Variants in TRO observed in about 807,000 individuals in gnomAD.
TRO encodes MAGE superfamily protein.
In TRO, 29 loss-of-function variants were observed where a neutral mutation model predicts 42.3. The ratio of observed to expected loss-of-function variants is 0.68; its 90% CI spans 0.51 to 0.93. The LOEUF (loss-of-function observed/expected upper bound fraction) is 0.93. TRO is among the 40% of genes least tolerant of loss of function. The pLI is 0.00. For missense variants in TRO, 963 were observed against 1,127.7 expected (o/e 0.85, Z 2.09); for synonymous variants, 384 against 425.2 (o/e 0.90, Z 1.19).
rs768950622 is a variant in TRO, at chrX:54,927,088, C to T, written c.1746C>T (p.Asp582=). ...GGGAAGTGAGGAAGCTCATCACAGA[C>T]GAGTTTGTGAAGCAGAAGTAAGTGG... The part of the protein sequence containing the change: ...LFGEVRKLIT[D]EFVKQKYLEY... Residue 582 remains aspartate, a synonymous_variant, in exon 10 of 13, where the codon GAC becomes GAT. Coordinates refer to ENST00000173898, the MANE Select transcript of TRO (RefSeq NM_001039705.3). The T allele has an allele frequency of 5.8e-6, 7 of 1,211,608 alleles. No individual in the cohort carries two copies. The highest frequency in any genetic ancestry group is 7.8e-6 in the Non-Finnish European group (7 of 895,531).
At chrX:54,931,065 G>T (rs373959041) in intron 12 of TRO, 34 bp downstream of exon 12, 182 of 1,168,767 alleles carry the variant, frequency 1.6e-4, no homozygotes, top group Non-Finnish European at 1.9e-4. Flanking sequence ...AGGACCCACA[G>T]GGATGGGTAC....
At chrX:54,925,851 C>G (rs1171108942) in intron 7 of TRO, among the ~76,000 whole-genome samples, 168 bp downstream of exon 7, 1 of 112,067 alleles carries the variant, frequency 8.9e-6, no homozygotes, top group Admixed American at 9.5e-5. Context: ...ACAGTAGTGG[C>G]ACCTGATTAT....
At chrX:54,924,842 C>T in intron 5 of TRO, 109 bp downstream of exon 5, 1 of 980,271 alleles carries the variant, frequency 1.0e-6, no homozygotes, top group Non-Finnish European at 1.4e-6. Context: ...ATCTCCACAC[C>T]TGCCCTCCTT....
chrX:54,924,739 G>C lies in TRO; in HGVS notation c.1405+6G>C, dbSNP rs200075139. 147 of 1,208,366 alleles carry C rather than the reference G, an allele frequency of 1.2e-4. No individual in the cohort carries two copies. Among genetic ancestry groups the C allele is most frequent in the Non-Finnish European group, 1.6e-4 (145 of 893,603 alleles). ...GATCCCCATCAAACGCTCAGGTAGT[G>C]TCCTACCAACCCTCCTCCTTGAGCT... is the stretch of plus-strand genomic sequence containing the variant. On this transcript the variant is annotated splice_donor_region_variant and intron_variant, in intron 5 of 12. Transcript: ENST00000173898.
In TRO at chrX:54,929,010, A is replaced by G. The variant is rs765852537; in HGVS notation, c.2286A>G (p.Ala762=). ...GACCTGGCATTACCTTTGGTGTTGC[A>G]CCCAGCACCAGTGCCAGCTTCAGCA... ...SGGPGITFGV[A]PSTSASFSNT... is the part of the protein sequence containing the mutation. Residue 762 remains alanine, a synonymous_variant, in exon 12 of 13, where the codon GCA becomes GCG. Coordinates refer to ENST00000173898, the MANE Select transcript of TRO (RefSeq NM_001039705.3). The G allele has an allele frequency of 8.3e-7, 1 of 1,210,922 alleles. No individual in the cohort carries two copies. The highest frequency in any genetic ancestry group is 2.2e-5 in the Admixed American group (1 of 45,906).
At position 54,929,532 on chromosome X, in the gene TRO, T is replaced by G. The variant is rs767547733; in HGVS notation, c.2808T>G (p.Ser936Arg). Reference sequence around the variant, plus strand: ...GCTTTGGAGGCACACTTAGCACCAGTGTCTCCTTTGGTGGCTCTTCCAGCA... The same window carrying G: ...GCTTTGGAGGCACACTTAGCACCAGGGTCTCCTTTGGTGGCTCTTCCAGCA... ...STGFGGTLSTSVSFGGSSSTS... is the reference protein window; with the variant it reads ...STGFGGTLSTRVSFGGSSSTS... The change falls in exon 12 of 13, where the codon AGT (serine) becomes AGG (arginine). Residue 936 changes from serine to arginine, a missense_variant. By Grantham distance (110) the Ser-to-Arg change is moderately radical (BLOSUM62 -1). Around this residue, in one of 2 missense-constraint regions of TRO, gnomAD observed 641 missense variants for 811.3 expected, o/e 0.79. Coordinates refer to ENST00000173898, the MANE Select transcript of TRO (RefSeq NM_001039705.3). 4 of 1,211,828 alleles carry G rather than the reference T, an allele frequency of 3.3e-6. No individual in the cohort carries two copies. The highest frequency in any genetic ancestry group is 4.5e-6 in the Non-Finnish European group (4 of 895,463).
chrX:54,929,873 G>C lies in TRO; in HGVS notation c.3149G>C (p.Gly1050Ala). Residue 1050 changes from glycine to alanine, a missense_variant, in exon 12 of 13, where the codon GGT becomes GCT. Gly to Ala is a moderately conservative substitution (Grantham distance 60). This residue lies in a region of TRO where 641 missense variants were observed against 811.3 expected (regional missense o/e 0.79). Coordinates refer to ENST00000173898, the MANE Select transcript of TRO (RefSeq NM_001039705.3). ...ACACTAAGCACCAGCGTCTGTTTTG[G>C]TGGCTCTCCCAGCACCAGTGCTGGC... is the stretch of plus-strand genomic sequence containing the variant. ...GGTLSTSVCF[G>A]GSPSTSAGFG... 1 of 1,205,705 alleles carries C rather than the reference G, an allele frequency of 8.3e-7. No individual in the cohort carries two copies. The highest frequency in any genetic ancestry group is 1.1e-6 in the Non-Finnish European group (1 of 893,247).
Position 54,930,370 on chromosome X carries a change from A to C in TRO, c.3646A>C (p.Ser1216Arg). ...TGGATTTGGTGGTGGACTGAACACC[A>C]GTGCTGGCTTTGGTGGTGGCCTAGG... Reference protein sequence around the residue: ...NAGFGGGLNTSAGFGGGLGTS... With the variant: ...NAGFGGGLNTRAGFGGGLGTS... Residue 1216 changes from serine (S) to arginine (R), a missense_variant, in exon 12 of 13, where the codon AGT becomes CGT. Ser to Arg is a moderately radical substitution (Grantham distance 110). Coordinates refer to ENST00000173898, the MANE Select transcript of TRO (RefSeq NM_001039705.3). The C allele has an allele frequency of 4.1e-6, 5 of 1,212,283 alleles. No homozygotes were observed. The highest frequency in any genetic ancestry group is 5.6e-6 in the Non-Finnish European group (5 of 895,620).
intron 5 of TRO, 128 bp downstream of exon 5, chrX:54,924,861 C>A: frequency 1.0e-6 from 1 of 965,164 alleles, no homozygotes; most frequent in Non-Finnish European, 1.5e-6. Flanking sequence ...TTGCACTCTG[C>A]CATGGCTGGC....
chrX:54,929,579 C>T lies in TRO; in HGVS notation c.2855C>T (p.Thr952Ile). 2.5e-6 allele frequency: 3 copies of T among 1,211,529 alleles called. No homozygotes were observed. The highest frequency in any genetic ancestry group is 3.4e-6 in the Non-Finnish European group (3 of 895,363). ...SSSTSANFGG[T>I]LSTSICFDGS... ...AGCACCAGTGCCAATTTTGGTGGTACACTAAGTACCAGCATCTGCTTTGAT... is the reference window on the plus strand; with the variant it reads ...AGCACCAGTGCCAATTTTGGTGGTATACTAAGTACCAGCATCTGCTTTGAT... Residue 952 changes from threonine (T) to isoleucine (I), a missense_variant, in exon 12 of 13, where the codon ACA (threonine) becomes ATA (isoleucine). Physicochemically the swap from Thr to Ile is moderately conservative, Grantham distance 89. Coordinates refer to ENST00000173898, the MANE Select transcript of TRO (RefSeq NM_001039705.3).
chrX:54,927,895 C>T (rs974423214), intron 11 of TRO, 114 bp downstream of exon 11: 9 of 502,549 alleles, frequency 1.8e-5, no homozygotes, highest in Admixed American at 3.9e-5. Flanking sequence ...CATATATAAA[C>T]ATGTGGAGCC....
At position 54,930,016 on chromosome X, in the gene TRO, G is replaced by A; in HGVS notation, c.3292G>A (p.Gly1098Ser). The A allele has an allele frequency of 8.3e-7, 1 of 1,211,585 alleles. No individual in the cohort carries two copies. Among genetic ancestry groups the A allele is most frequent in the Non-Finnish European group, 1.1e-6 (1 of 895,467 alleles). Reference sequence around the variant, plus strand: ...CAGTGGTGCACCAATCACCAACCCTGGCTTTGGCGGTGCATTTAGCACCAG... The same window carrying A: ...CAGTGGTGCACCAATCACCAACCCTAGCTTTGGCGGTGCATTTAGCACCAG... ...CFSGAPITNPGFGGAFSTSAG... is the reference protein window; with the variant it reads ...CFSGAPITNPSFGGAFSTSAG... Residue 1098 changes from glycine to serine, a missense_variant, in exon 12 of 13, where the codon GGC becomes AGC. Coordinates refer to ENST00000173898, the MANE Select transcript of TRO (RefSeq NM_001039705.3).
Position 54,929,250 on chromosome X carries a change from T to C in TRO, c.2526T>C (p.Ser842=). The C allele has an allele frequency of 1.7e-6, 2 of 1,211,775 alleles. No individual in the cohort carries two copies. Residue 842 remains serine (S), a synonymous_variant, in exon 12 of 13, where the codon AGT becomes AGC. Coordinates refer to ENST00000173898, the MANE Select transcript of TRO (RefSeq NM_001039705.3). The part of the protein sequence containing the change: ...SGPLSTSATF[S]GGASSGFGGT... ...CACTCAGCACCAGTGCCACTTTCAGTGGTGGAGCCAGCTCTGGCTTTGGAG... is the reference window on the plus strand; with the variant it reads ...CACTCAGCACCAGTGCCACTTTCAGCGGTGGAGCCAGCTCTGGCTTTGGAG...
In TRO at chrX:54,930,933, T is replaced by C. The variant is rs1933120135; in HGVS notation, c.4209T>C (p.Gly1403=). 8.3e-7 allele frequency: 1 copy of C among 1,208,509 alleles called. No homozygotes were observed. The highest frequency in any genetic ancestry group is 1.8e-5 in the African/African-American group (1 of 57,006). ...GAGFGGGPNT[G]AGFGGGPSTS... is the part of the protein sequence containing the mutation. ...GCTTCGGCGGTGGACCAAACACTGG[T>C]GCTGGCTTTGGTGGTGGACCGAGCA... The change falls in exon 12 of 13, where the codon GGT becomes GGC. Residue 1403 remains glycine, a synonymous_variant. Coordinates refer to ENST00000173898, the MANE Select transcript of TRO (RefSeq NM_001039705.3).
chrX:54,930,854 T>G lies in TRO; in HGVS notation c.4130T>G (p.Phe1377Cys), dbSNP rs1392391751. ...FSGGPSTGVG[F>C]CSGPSTSGFS... ...GGTGGACCAAGCACTGGTGTTGGCTTCTGCAGTGGACCAAGCACCAGTGGC... is the reference window on the plus strand; with the variant it reads ...GGTGGACCAAGCACTGGTGTTGGCTGCTGCAGTGGACCAAGCACCAGTGGC... The change falls in exon 12 of 13, where the codon TTC becomes TGC. Residue 1377 changes from phenylalanine (F) to cysteine (C), a missense_variant. Phe to Cys is a radical substitution (Grantham distance 205). Transcript: ENST00000173898. 4 of 1,209,397 alleles carry G rather than the reference T, an allele frequency of 3.3e-6. No individual in the cohort carries two copies. In the African/African-American group the frequency reaches 7.0e-5, roughly 21 times the overall value.
Position 54,924,545 on chromosome X carries a change from T to C in TRO, c.1331T>C (p.Leu444Ser), listed in dbSNP as rs1454730022. 8.3e-7 allele frequency: 1 copy of C among 1,208,700 alleles called. No individual in the cohort carries two copies. The highest frequency in any genetic ancestry group is 1.1e-6 in the Non-Finnish European group (1 of 893,904). The stretch of plus-strand genomic sequence containing the variant: ...GCACCACCGCGAGATGTGGCCATTT[T>C]ACAAGAAAGGGTAAGAATCCAATGC... ...RPAPPRDVAI[L>S]QERANKLVKY... The change falls in exon 4 of 13, where the codon TTA becomes TCA. Residue 444 changes from leucine (L) to serine (S), a missense_variant. By Grantham distance (145) the Leu-to-Ser change is moderately radical. Coordinates refer to ENST00000173898, the MANE Select transcript of TRO (RefSeq NM_001039705.3).
intron 4 of TRO, 44 bp from the exon 5 acceptor site, chrX:54,924,626 C>T: frequency 8.3e-7 from 1 of 1,204,339 alleles, no homozygotes; most frequent in Non-Finnish European, 1.1e-6. Context: ...TCCAAGTTTT[C>T]TGCAAGCATG....
intron 9 of TRO, 150 bp from the exon 10 acceptor site, chrX:54,926,893 C>A: frequency 1.5e-6 from 1 of 683,430 alleles, no homozygotes; most frequent in Non-Finnish European, 2.2e-6. Flanking sequence ...GTCTTAACTG[C>A]TTGCTTCTAG....
intron 2 of TRO, 125 bp from the exon 3 acceptor site, chrX:54,922,441 CTGCCTGACTCTA>C: frequency 1.1e-6 from 1 of 894,836 alleles, no homozygotes. Flanking sequence ...AGAGGAAAAC[CTGCCTGACTCTA>C]TTCCTTCCTT....
Sources: allele counts gnomAD v4.1 joint callset (sites outside exome capture counted in the v4.1 genomes callset), GRCh38; gene constraint gnomAD v4.1.1; regional missense constraint gnomAD v4.1.1; transcripts MANE v1.5; gene names NCBI Gene and HGNC (gene_info 2026-07-23, HGNC 2026-07-21).